HCN1: variants seen among roughly 807,000 people sequenced by gnomAD.
HCN1 encodes potassium/sodium hyperpolarization-activated cyclic nucleotide-gated channel 1.
HCN1 carries 13 observed loss-of-function variants against 78.9 expected under a neutral mutation model. The ratio of observed to expected loss-of-function variants is 0.16; its 90% CI spans 0.11 to 0.26. The LOEUF is 0.26. HCN1 is among the 10% of genes least tolerant of loss of function. HCN1 has a pLI of 1.00. For missense variants in HCN1, 810 were observed against 1,154.3 expected (o/e 0.70, Z 4.32); for synonymous variants, 552 against 455.5 (o/e 1.21, Z -2.70).
intron 1 of HCN1, among the ~76,000 whole-genome samples, chr5:45,681,672 T>C (rs1194653837): frequency 1.3e-5 from 2 of 152,146 alleles, no homozygotes; most frequent in South Asian, 4.1e-4. Flanking sequence ...TTTCCATCCC[T>C]GTACAATAAG....
chr5:45,628,848 C>A (rs966707027), intron 2 of HCN1, among the ~76,000 whole-genome samples: 12 of 151,828 alleles, frequency 7.9e-5, no homozygotes, highest in African/African-American at 2.9e-4. Context: ...TGGTGGGTGC[C>A]TGTAATCCCA....
At chr5:45,525,687 A>G (rs868836938) in intron 2 of HCN1, among the ~76,000 whole-genome samples, 2 of 152,014 alleles carry the variant, frequency 1.3e-5, no homozygotes, top group South Asian at 2.1e-4. Flanking sequence ...ATGAGAGAGA[A>G]AGTAATTGAT....
intron 3 of HCN1, among the ~76,000 whole-genome samples, chr5:45,439,394 T>C (rs749386395): frequency 3.9e-5 from 6 of 152,132 alleles, no homozygotes; most frequent in Non-Finnish European, 8.8e-5. Flanking sequence ...GGATATGTAA[T>C]GGGCCAAATG....
chr5:45,480,710 A>C (rs1158119839), intron 2 of HCN1, among the ~76,000 whole-genome samples: 1 of 152,164 alleles, frequency 6.6e-6, no homozygotes, highest in African/African-American at 2.4e-5. Context: ...GATTCTATTC[A>C]ATGTTATTAA....
intron 4 of HCN1, among the ~76,000 whole-genome samples, chr5:45,373,523 A>T (rs892135791): frequency 7.1e-6 from 1 of 141,468 alleles, no homozygotes; most frequent in African/African-American, 2.6e-5. Context: ...TATAATATAT[A>T]TTACATACAT....
intron 3 of HCN1, among the ~76,000 whole-genome samples, chr5:45,419,270 C>T (rs1280090287): frequency 6.6e-6 from 1 of 152,116 alleles, no homozygotes; most frequent in Non-Finnish European, 1.5e-5. Flanking sequence ...TTACCCAGTA[C>T]CAGCAAGTAG....
intron 2 of HCN1, among the ~76,000 whole-genome samples, chr5:45,608,666 A>G (rs1250469914): frequency 6.6e-6 from 1 of 152,028 alleles, no homozygotes; most frequent in East Asian, 1.9e-4. Flanking sequence ...GACATAACCC[A>G]TCATGAAAGG....
chr5:45,262,108 G>T lies in HCN1; in HGVS notation c.2486C>A (p.Ala829Glu). The change falls in exon 8 of 8, where the codon GCA becomes GAA. Residue 829 changes from alanine to glutamate, a missense_variant. Transcript: ENST00000303230. ...VTAVPGTGLQAGGRSTVPQRV... is the reference protein window; with the variant it reads ...VTAVPGTGLQEGGRSTVPQRV... ...CTGCGGGACAGTGCTCCTGCCCCCT[G>T]CCTGAAGGCCCGTTCCGGGGACCGC... 1 of 1,612,686 alleles carries T rather than the reference G, an allele frequency of 6.2e-7. No homozygotes were observed. Among genetic ancestry groups the T allele is most frequent in the South Asian group, 1.1e-5 (1 of 91,066 alleles).
At chr5:45,449,252 T>G (rs1308711768) in intron 3 of HCN1, among the ~76,000 whole-genome samples, 1 of 152,228 alleles carries the variant, frequency 6.6e-6, no homozygotes, top group Non-Finnish European at 1.5e-5. Flanking sequence ...GTCACATAGC[T>G]AGCATAAGAG....
intron 1 of HCN1, among the ~76,000 whole-genome samples, chr5:45,661,144 A>T (rs1381416998): frequency 6.8e-6 from 1 of 148,074 alleles, no homozygotes; most frequent in Admixed American, 6.8e-5. Flanking sequence ...CTCAGGATTA[A>T]GAATCTCACT....
chr5:45,382,976 T>C (rs1579859200), intron 4 of HCN1, among the ~76,000 whole-genome samples: 1 of 152,262 alleles, frequency 6.6e-6, no homozygotes, highest in Admixed American at 6.5e-5. Flanking sequence ...ATCTCTAAAA[T>C]GTGAATTAAT....
chr5:45,493,130 T>C (rs150972199), intron 2 of HCN1, among the ~76,000 whole-genome samples: 10 of 152,170 alleles, frequency 6.6e-5, no homozygotes, highest in Non-Finnish European at 1.3e-4. Flanking sequence ...AGACTAAATA[T>C]GAGTTTAGTC....
chr5:45,374,318 TA>T (rs1747548215), intron 4 of HCN1, among the ~76,000 whole-genome samples: 1 of 130,760 alleles, frequency 7.6e-6, no homozygotes, highest in African/African-American at 2.8e-5. Context: ...TTATATACAT[TA>T]TATACATTAT....
intron 6 of HCN1, among the ~76,000 whole-genome samples, chr5:45,289,145 G>A (rs1029754627): frequency 6.6e-6 from 1 of 151,852 alleles, no homozygotes; most frequent in African/African-American, 2.4e-5. Context: ...TCTTTCCTAT[G>A]GACATATTAA....
chr5:45,514,991 AT>A (rs772412025), intron 2 of HCN1, among the ~76,000 whole-genome samples: 3 of 151,974 alleles, frequency 2.0e-5, no homozygotes, highest in Non-Finnish European at 2.9e-5. Flanking sequence ...ATTAATTTTT[AT>A]TGGTAATATG....
Position 45,695,909 on chromosome 5 carries a change from T to C in HCN1, c.185A>G (p.Asp62Gly). The C allele has an allele frequency of 6.6e-7, 1 of 1,504,718 alleles. No homozygotes were observed. The highest frequency in any genetic ancestry group is 8.8e-7 in the Non-Finnish European group (1 of 1,134,042). The allele number at this position is 1,504,718 out of a possible 1,614,324, so 93.2% of individuals were successfully genotyped here. ...GCCGCCGCCACCGCCGCCACCGCCG[T>C]CCACCTTGAAGCACACGGAGTTGCC... ...EHGNSVCFKVDGGGGGGGGGG... is the reference protein window; with the variant it reads ...EHGNSVCFKVGGGGGGGGGGG... Residue 62 changes from aspartate to glycine, a missense_variant, in exon 1 of 8, where the codon GAC becomes GGC. By Grantham distance (94) the Asp-to-Gly change is moderately conservative. This residue lies in a region of HCN1 where 170 missense variants were observed against 166.8 expected (regional missense o/e 1.02). Coordinates refer to ENST00000303230, the MANE Select transcript of HCN1 (RefSeq NM_021072.4).
intron 6 of HCN1, among the ~76,000 whole-genome samples, chr5:45,297,772 T>G (rs1745529412): frequency 6.6e-6 from 1 of 152,072 alleles, no homozygotes; most frequent in Admixed American, 6.6e-5. Context: ...TAAAAGTTAT[T>G]TTAGGCATGC....
intron 6 of HCN1, among the ~76,000 whole-genome samples, chr5:45,275,268 A>G (rs1038250586): frequency 2.0e-5 from 3 of 151,890 alleles, no homozygotes; most frequent in Admixed American, 1.3e-4. Context: ...AAAAGGAAAT[A>G]AGTGAATCAA....
intron 2 of HCN1, among the ~76,000 whole-genome samples, chr5:45,614,328 A>G (rs1284221697): frequency 6.6e-6 from 1 of 152,152 alleles, no homozygotes; most frequent in Non-Finnish European, 1.5e-5. Flanking sequence ...GAAAACATAA[A>G]TCCGTCATAT....
Sources: gnomAD v4.1 joint callset for allele counts (sites outside exome capture counted in the v4.1 genomes callset) on GRCh38, gnomAD v4.1.1 for gene constraint, gnomAD v4.1.1 regional missense constraint, MANE v1.5 for transcripts, NCBI Gene and HGNC (gene_info 2026-07-23, HGNC 2026-07-21) for gene names.